CERS5: variants seen among roughly 807,000 people sequenced by gnomAD.
The protein encoded by CERS5 is ceramide synthase 5, also known as LAG1 homolog, ceramide synthase 5.
In CERS5, 37 loss-of-function variants were observed where a neutral mutation model predicts 58.9. The observed-to-expected ratio is 0.63, with a 90% CI of 0.48 to 0.83. The LOEUF (loss-of-function observed/expected upper bound fraction) is 0.83. CERS5 is among the 40% of genes least tolerant of loss of function. The probability of loss-of-function intolerance (pLI) is 0.00; values close to 1 mark genes in which losing one functional copy is unlikely to be tolerated. For synonymous variants in CERS5, 147 were observed against 177.8 expected, an observed-to-expected ratio of 0.83 and a Z score of 1.38; for missense variants, 398 against 489.3, an observed-to-expected ratio of 0.81 and a Z score of 1.76.
rs1019772432 is a variant in CERS5 at position 50,146,716 on chromosome 12, G to A, written c.198-2659C>T. ...CAAAAAATTAGCCGGGCGTGGTGGC[G>A]GGCGCCTGTAATCCCAGCTACTCGG... On this transcript the variant is annotated intron_variant, in intron 1 of 9. Coordinates refer to ENST00000317551, the MANE Select transcript of CERS5 (RefSeq NM_147190.5). Among the ~76,000 whole-genome samples the A allele has an allele frequency of 8.9e-4, 135 of 151,884 alleles. 1 individual carries two copies. Among genetic ancestry groups the A allele is most frequent in the Non-Finnish European group, 1.8e-3 (124 of 67,938 alleles).
chr12:50,142,315 G>A (rs1238029572), intron 3 of CERS5, among the ~76,000 whole-genome samples: 3 of 152,152 alleles, frequency 2.0e-5, no homozygotes, highest in South Asian at 2.1e-4. Flanking sequence ...AGCACTTTGG[G>A]AGGCCGAGGC....
intron 1 of CERS5, among the ~76,000 whole-genome samples, chr12:50,157,586 C>A (rs1212442848): frequency 6.6e-6 from 1 of 152,040 alleles, no homozygotes; most frequent in African/African-American, 2.4e-5. Context: ...CATTCAAGAT[C>A]TCTGAAATGG....
At chr12:50,139,591 C>G (rs1951857896) in intron 4 of CERS5, among the ~76,000 whole-genome samples, 1 of 152,020 alleles carries the variant, frequency 6.6e-6, no homozygotes, top group African/African-American at 2.4e-5. Context: ...GTTAGGAGTT[C>G]AAGATTAGCC....
At position 50,129,362 on chromosome 12, in the gene CERS5, T is replaced by C. The variant is rs1951188629; in HGVS notation, c.*1183A>G. On this transcript the variant is annotated 3_prime_UTR_variant, in exon 10 of 10. Coordinates refer to ENST00000317551, the MANE Select transcript of CERS5 (RefSeq NM_147190.5). ...ATTAGCTACACCAACCAATCCAGTT[T>C]GTATTAACAAGGCAATTGTTCAAAT... 1 of 152,214 alleles carries C rather than the reference T, an allele frequency of 6.6e-6. No homozygotes were observed. Among genetic ancestry groups the C allele is most frequent in the Non-Finnish European group, 1.5e-5 (1 of 68,036 alleles). 9.4% of individuals were successfully genotyped at this position (152,214 alleles called of 1,614,324 possible).
intron 1 of CERS5, among the ~76,000 whole-genome samples, chr12:50,147,604 C>CATG (rs1290601196): frequency 6.6e-6 from 1 of 152,168 alleles, no homozygotes; most frequent in Non-Finnish European, 1.5e-5. Context: ...TATTCTCTCT[C>CATG]ATGAGAGTAC....
intron 1 of CERS5, chr12:50,164,913 G>A (rs1191902885): frequency 6.6e-6 from 1 of 151,980 alleles, no homozygotes; most frequent in Non-Finnish European, 1.5e-5. Context: ...GAAAAGCAGA[G>A]ATGTTTTTCT....
At chr12:50,133,339 G>A in intron 9 of CERS5, 1 of 1,059,930 alleles carries the variant, frequency 9.4e-7, no homozygotes, top group Non-Finnish European at 1.1e-6. Context: ...GTTCAATTAT[G>A]AGTTTATCAT....
rs1489611276 is a variant in CERS5, at chr12:50,144,239, G to A, written c.198-182C>T. On this transcript the variant is annotated intron_variant, in intron 1 of 9. Transcript: ENST00000317551. ...CTTTCAACATTTATCACTTCTTTAG[G>A]GTGACAATGTTCACCAGCCTCAGTC... is the stretch of plus-strand genomic sequence containing the variant. The A allele has an allele frequency of 2.0e-5, 10 of 510,166 alleles. No individual in the cohort carries two copies. The East Asian group carries it at 3.3e-4, about 17-fold the overall frequency. The allele number at this position is 510,166 out of a possible 1,614,324, so 31.6% of individuals were successfully genotyped here. A position where few individuals can be genotyped will look rare whatever the true frequency, so the allele number is the denominator to read the frequency against.
intron 2 of CERS5, 80 bp downstream of exon 2, chr12:50,143,872 G>C: frequency 1.2e-6 from 1 of 838,514 alleles, no homozygotes; most frequent in Non-Finnish European, 2.1e-6. Context: ...TACCCTTAGA[G>C]GTACGTGCTC....
chr12:50,160,661 A>G (rs1939184234), intron 1 of CERS5, among the ~76,000 whole-genome samples: 1 of 152,236 alleles, frequency 6.6e-6, no homozygotes. Flanking sequence ...TATTGTCTCA[A>G]ACTCCTACTT....
intron 1 of CERS5, among the ~76,000 whole-genome samples, chr12:50,151,435 T>TA (rs1269448308): frequency 1.3e-5 from 2 of 152,198 alleles, no homozygotes; most frequent in Non-Finnish European, 2.9e-5. Flanking sequence ...TTCTCTTCCT[T>TA]ACTGCCACTC....
chr12:50,150,501 TATG>T (rs1937839567), intron 1 of CERS5, among the ~76,000 whole-genome samples: 1 of 152,136 alleles, frequency 6.6e-6, no homozygotes, highest in Non-Finnish European at 1.5e-5. Flanking sequence ...GGGGCTTGGG[TATG>T]ATATATATAT....
intron 1 of CERS5, among the ~76,000 whole-genome samples, chr12:50,152,939 G>A (rs958877790): frequency 6.6e-6 from 1 of 151,584 alleles, no homozygotes; most frequent in African/African-American, 2.4e-5. Flanking sequence ...GCGTGGTGGC[G>A]GCCGCCTGTA....
intron 1 of CERS5, chr12:50,154,027 T>C (rs1938294267): frequency 3.8e-6 from 1 of 265,716 alleles, no homozygotes; most frequent in South Asian, 2.9e-5. Context: ...AGCTCATTAA[T>C]ATGGCTTCAG....
In CERS5 at chr12:50,167,342, C is replaced by T; in HGVS notation, c.-45G>A. On this transcript the variant is annotated 5_prime_UTR_variant, in exon 1 of 10. Transcript: ENST00000317551. ...CACCGCCGCCACAAGCGTCAGCTGC[C>T]GCCACAGCCAACGGAACCCGCGGGG... The T allele has an allele frequency of 1.4e-6, 2 of 1,461,914 alleles. No individual in the cohort carries two copies. Among genetic ancestry groups the T allele is most frequent in the East Asian group, 5.4e-5 (2 of 36,984 alleles). 90.6% of individuals were successfully genotyped at this position (1,461,914 alleles called of 1,614,324 possible). A position where few individuals can be genotyped will look rare whatever the true frequency, so the allele number is the denominator to read the frequency against.
chr12:50,143,025 T>C (rs568356865), intron 3 of CERS5, 49 bp downstream of exon 3: 99 of 1,548,182 alleles, frequency 6.4e-5, no homozygotes, highest in Middle Eastern at 4.1e-4. Flanking sequence ...TCAGTCCAGT[T>C]GTATCCCACC....
At chr12:50,135,532 G>A (rs577568331) in intron 8 of CERS5, 200 bp downstream of exon 8, 8 of 702,984 alleles carry the variant, frequency 1.1e-5, no homozygotes, top group Admixed American at 8.0e-5. Context: ...CTAGAAATAC[G>A]GTCTGAGGCA....
rs79929837 is a variant in CERS5, at chr12:50,149,350, C to G, written c.198-5293G>C. Among the ~76,000 whole-genome samples, 556 of 152,278 alleles carry G rather than the reference C, an allele frequency of 3.7e-3. 5 individuals are homozygous for G. Among genetic ancestry groups the G allele is most frequent in the Non-Finnish European group, 5.3e-3 (358 of 68,034 alleles). On this transcript the variant is annotated intron_variant, in intron 1 of 9. Transcript: ENST00000317551. ...ACACGAGTCTAGTGACCCATCCTGA[C>G]AGTATTAGATTTGTCCTGCTTTGTA...
intron 1 of CERS5, among the ~76,000 whole-genome samples, chr12:50,158,232 AT>A: frequency 6.6e-6 from 1 of 152,194 alleles, no homozygotes; most frequent in Non-Finnish European, 1.5e-5. Context: ...TGTTCCTTTC[AT>A]TAAACATATT....
Sources: gnomAD v4.1 joint callset for allele counts (sites outside exome capture counted in the v4.1 genomes callset) on GRCh38, gnomAD v4.1.1 for gene constraint, MANE v1.5 for transcripts, NCBI Gene and HGNC (gene_info 2026-07-23, HGNC 2026-07-21) for gene names.